SYK: variants seen among roughly 807,000 people sequenced by gnomAD.
The protein encoded by SYK is tyrosine-protein kinase SYK.
In SYK, 16 loss-of-function variants were observed where a neutral mutation model predicts 77.8. The observed-to-expected ratio is 0.21, with a 90% CI of 0.14 to 0.31. The LOEUF is 0.31. Ranked by LOEUF, SYK falls within the 10% of genes least tolerant of loss-of-function variation. SYK has a pLI of 1.00. For synonymous variants in SYK, 312 were observed against 308.7 expected, an observed-to-expected ratio of 1.01 and a Z score of -0.11; for missense variants, 529 against 814.4, an observed-to-expected ratio of 0.65 and a Z score of 4.26.
chr9:90,862,713 A>G (rs1452517668), intron 4 of SYK, among the ~76,000 whole-genome samples: 1 of 152,208 alleles, frequency 6.6e-6, no homozygotes, highest in Non-Finnish European at 1.5e-5. Flanking sequence ...CTCTCTTTGG[A>G]GATCTAGAAA....
At chr9:90,807,625 G>A (rs1463537148) in intron 1 of SYK, among the ~76,000 whole-genome samples, 2 of 152,178 alleles carry the variant, frequency 1.3e-5, no homozygotes, top group East Asian at 1.9e-4. Flanking sequence ...GGGAAGGCAC[G>A]TCCAGATAGG....
At chr9:90,891,302 C>T (rs991134105) in intron 13 of SYK, among the ~76,000 whole-genome samples, 8 of 152,044 alleles carry the variant, frequency 5.3e-5, no homozygotes, top group Non-Finnish European at 1.0e-4. Flanking sequence ...CCCGCCACCA[C>T]GCCCAGCTAA....
Position 90,843,409 on chromosome 9 carries a change from G to A in SYK, c.-41-449G>A, listed in dbSNP as rs1353717297. 2.0e-5 allele frequency among the ~76,000 whole-genome samples: 3 copies of A among 152,316 alleles called. No homozygotes were observed. The East Asian group carries it at 5.8e-4, about 29-fold the overall frequency. ...TAGCGTCCTCCTTGGTAATATCACT[G>A]TGATGAGGAGCAAGGCTTCTCTAAC... On this transcript the variant is annotated intron_variant, in intron 1 of 13. Transcript: ENST00000375754.
At chr9:90,881,064 A>G (rs886752964) in intron 11 of SYK, among the ~76,000 whole-genome samples, 37 of 152,142 alleles carry the variant, frequency 2.4e-4, no homozygotes, top group Non-Finnish European at 7.4e-5. Flanking sequence ...GGTCACTTCC[A>G]CCTGATCCTA....
At chr9:90,841,836 TGTGTTG>T (rs1476902714) in intron 1 of SYK, among the ~76,000 whole-genome samples, 2 of 136,866 alleles carry the variant, frequency 1.5e-5, no homozygotes, top group East Asian at 2.1e-4. Flanking sequence ...ATGTAGTTTG[TGTGTTG>T]TGTGTGCAGT....
In SYK at chr9:90,898,245, T is replaced by C. The variant is rs201255894; in HGVS notation, c.*2645T>C. 13 of 231,256 alleles carry C rather than the reference T, an allele frequency of 5.6e-5. No individual in the cohort carries two copies. Among genetic ancestry groups the C allele is most frequent in the Non-Finnish European group, 9.4e-5 (11 of 116,862 alleles). The allele number at this position is 231,256 out of a possible 1,614,324, so 14.3% of individuals were successfully genotyped here. A position where few individuals can be genotyped will look rare whatever the true frequency, so the allele number is the denominator to read the frequency against. ...GTTTCTATCACAGAAAACAGTGTGTTCAGTGGTGAAAATCGTTGCATGCAT... is the reference window on the plus strand; with the variant it reads ...GTTTCTATCACAGAAAACAGTGTGTCCAGTGGTGAAAATCGTTGCATGCAT... On this transcript the variant is annotated 3_prime_UTR_variant, in exon 14 of 14. Coordinates refer to ENST00000375754, the MANE Select transcript of SYK (RefSeq NM_003177.7).
At chr9:90,839,215 A>G (rs1376837154) in intron 1 of SYK, among the ~76,000 whole-genome samples, 1 of 152,192 alleles carries the variant, frequency 6.6e-6, no homozygotes, top group African/African-American at 2.4e-5. Flanking sequence ...CACCATGGAC[A>G]TTGTTTATTC....
intron 13 of SYK, among the ~76,000 whole-genome samples, chr9:90,892,072 T>C (rs765130834): frequency 2.0e-5 from 3 of 152,196 alleles, no homozygotes; most frequent in African/African-American, 4.8e-5. Context: ...AGCTTACCAA[T>C]TTTACTAGTT....
intron 7 of SYK, among the ~76,000 whole-genome samples, chr9:90,873,394 G>T (rs1204668363): frequency 6.6e-6 from 1 of 151,270 alleles, no homozygotes; most frequent in Non-Finnish European, 1.5e-5. Flanking sequence ...ATTAAATTTA[G>T]TAGCAAGAAT....
At chr9:90,810,554 G>A (rs1825033986) in intron 1 of SYK, among the ~76,000 whole-genome samples, 1 of 152,096 alleles carries the variant, frequency 6.6e-6, no homozygotes, top group Non-Finnish European at 1.5e-5. Flanking sequence ...ACCTCCCCAC[G>A]ATGGCCTTTC....
chr9:90,804,473 C>A lies in SYK; in HGVS notation c.-42+2580C>A, dbSNP rs1390168352. ...CTAAGTGATGGCTAATTTTTACTTT[C>A]TCAACTTTCCCTGTATAGATTTTTT... On this transcript the variant is annotated intron_variant, in intron 1 of 13. Transcript: ENST00000375754. 2.0e-5 allele frequency among the ~76,000 whole-genome samples: 3 copies of A among 152,284 alleles called. No individual in the cohort carries two copies. The East Asian group carries it at 5.8e-4, about 29-fold the overall frequency.
chr9:90,830,869 G>A (rs779676918), intron 1 of SYK, among the ~76,000 whole-genome samples: 20 of 152,226 alleles, frequency 1.3e-4, no homozygotes, highest in Non-Finnish European at 2.5e-4. Flanking sequence ...ACAAGCGTGA[G>A]CCACCACACC....
intron 4 of SYK, among the ~76,000 whole-genome samples, chr9:90,863,644 T>C (rs1250873633): frequency 1.3e-5 from 2 of 152,226 alleles, no homozygotes; most frequent in Non-Finnish European, 2.9e-5. Flanking sequence ...CTTTTAACGA[T>C]ATTGATTCGA....
At chr9:90,832,765 C>T (rs999484391) in intron 1 of SYK, among the ~76,000 whole-genome samples, 1 of 152,252 alleles carries the variant, frequency 6.6e-6, no homozygotes, top group African/African-American at 2.4e-5. Flanking sequence ...TATCAGTTAT[C>T]TGTTGCTACA....
chr9:90,815,540 T>G (rs1825258254), intron 1 of SYK, among the ~76,000 whole-genome samples: 2 of 152,246 alleles, frequency 1.3e-5, no homozygotes, highest in South Asian at 4.1e-4. Flanking sequence ...TCAGCCTGAC[T>G]CCAGGAAGTG....
intron 1 of SYK, among the ~76,000 whole-genome samples, chr9:90,807,677 C>T (rs1025081779): frequency 1.3e-5 from 2 of 152,196 alleles, no homozygotes; most frequent in Non-Finnish European, 2.9e-5. Flanking sequence ...TTTCTCTGAC[C>T]TCCAAGATGG....
intron 6 of SYK, 25 bp downstream of exon 6, chr9:90,865,122 G>C (rs770844686): frequency 3.1e-6 from 5 of 1,608,240 alleles, no homozygotes; most frequent in Non-Finnish European, 4.3e-6. Flanking sequence ...GAATACCACT[G>C]AATGAGAAGC....
At chr9:90,892,863 A>G (rs1828847077) in intron 13 of SYK, among the ~76,000 whole-genome samples, 1 of 152,234 alleles carries the variant, frequency 6.6e-6, no homozygotes, top group African/African-American at 2.4e-5. Flanking sequence ...GGGAGGCTCT[A>G]GATGCGGCTC....
chr9:90,888,201 T>C (rs1329492639), intron 12 of SYK, among the ~76,000 whole-genome samples: 2 of 152,198 alleles, frequency 1.3e-5, no homozygotes, highest in African/African-American at 4.8e-5. Context: ...GATCTTTTAA[T>C]TAAAACATAT....
Sources: allele counts gnomAD v4.1 joint callset (sites outside exome capture counted in the v4.1 genomes callset), GRCh38; gene constraint gnomAD v4.1.1; transcripts MANE v1.5; gene names NCBI Gene and HGNC (gene_info 2026-07-23, HGNC 2026-07-21).